ATL1: variants seen among roughly 807,000 people sequenced by gnomAD.
ATL1 encodes the protein atlastin-1.
ATL1 carries 31 observed loss-of-function variants against 75.5 expected under a neutral mutation model. The observed-to-expected ratio is 0.41, with a 90% confidence interval of 0.31 to 0.55. ATL1 has a LOEUF of 0.55. ATL1 is among the 20% of genes least tolerant of loss of function. The pLI is 0.27. For synonymous variants in ATL1, 226 were observed against 233.3 expected (o/e 0.97, Z 0.28); for missense variants, 405 against 662.6 (o/e 0.61, Z 4.27).
At chr14:50,614,640 G>A (rs931675040) in intron 8 of ATL1, 129 bp downstream of exon 8, 1 of 1,053,990 alleles carries the variant, frequency 9.5e-7, no homozygotes, top group African/African-American at 1.7e-5. Context: ...GAAATTGTCA[G>A]GAGAATAGGG....
chr14:50,553,651 C>T (rs141696025), intron 1 of ATL1, among the ~76,000 whole-genome samples: 24 of 152,142 alleles, frequency 1.6e-4, no homozygotes, highest in African/African-American at 5.3e-4. Flanking sequence ...TGAATGCACA[C>T]GCATGTTTGT....
chr14:50,614,747 C>T (rs1595615416), intron 8 of ATL1, among the ~76,000 whole-genome samples: 1 of 152,006 alleles, frequency 6.6e-6, no homozygotes, highest in East Asian at 1.9e-4. Flanking sequence ...CTGAGTTCAC[C>T]CAGAAGGCAG....
At chr14:50,573,509 A>C (rs913464914) in intron 1 of ATL1, among the ~76,000 whole-genome samples, 1 of 152,190 alleles carries the variant, frequency 6.6e-6, no homozygotes, top group Non-Finnish European at 1.5e-5. Context: ...TAGAACACCC[A>C]TGCTTTGAAC....
At chr14:50,565,239 G>A (rs1367441604) in intron 1 of ATL1, among the ~76,000 whole-genome samples, 1 of 152,074 alleles carries the variant, frequency 6.6e-6, no homozygotes, top group East Asian at 1.9e-4. Flanking sequence ...GCAGTGAGCC[G>A]AGATCGCACT....
intron 8 of ATL1, among the ~76,000 whole-genome samples, chr14:50,617,877 A>C (rs575758566): frequency 5.3e-5 from 8 of 152,302 alleles, no homozygotes; most frequent in Admixed American, 2.0e-4. Flanking sequence ...CTCACCACCT[A>C]CGTATGTTAT....
At chr14:50,593,037 A>T (rs1374446006) in intron 4 of ATL1, among the ~76,000 whole-genome samples, 1 of 151,202 alleles carries the variant, frequency 6.6e-6, no homozygotes, top group Non-Finnish European at 1.5e-5. Flanking sequence ...GAATACACAC[A>T]TTGTATAAGC....
chr14:50,631,198 A>G (rs1425999464), intron 13 of ATL1: 3 of 186,800 alleles, frequency 1.6e-5, no homozygotes, highest in Non-Finnish European at 3.4e-5. Context: ...AGGAGGTTGC[A>G]GTGAGCCAAG....
intron 1 of ATL1, among the ~76,000 whole-genome samples, chr14:50,551,914 A>G (rs934674927): frequency 6.6e-6 from 1 of 152,162 alleles, no homozygotes; most frequent in Non-Finnish European, 1.5e-5. Context: ...AATACCAAAC[A>G]AGGAAAATTT....
intron 11 of ATL1, among the ~76,000 whole-genome samples, chr14:50,623,573 T>G (rs1391811517): frequency 6.6e-6 from 1 of 151,958 alleles, no homozygotes; most frequent in African/African-American, 2.4e-5. Context: ...CTACACCTCC[T>G]TATATTCCAC....
chr14:50,593,700 C>T, intron 4 of ATL1, 146 bp from the exon 5 acceptor site: 3 of 579,864 alleles, frequency 5.2e-6, no homozygotes, highest in Non-Finnish European at 9.3e-6. Context: ...TTACTTCTCT[C>T]TCAAGGTCTT....
At chr14:50,625,107 AAC>A (rs1403455760) in intron 11 of ATL1, among the ~76,000 whole-genome samples, 1 of 152,028 alleles carries the variant, frequency 6.6e-6, no homozygotes, top group Non-Finnish European at 1.5e-5. Context: ...TACTCCAGTG[AAC>A]ACACAGATTA....
At chr14:50,548,553 A>G (rs1386426609) in intron 1 of ATL1, among the ~76,000 whole-genome samples, 1 of 152,176 alleles carries the variant, frequency 6.6e-6, no homozygotes, top group Non-Finnish European at 1.5e-5. Context: ...TCTGTCACCC[A>G]GGCTGGAGTG....
intron 1 of ATL1, among the ~76,000 whole-genome samples, chr14:50,574,937 GTATATATATATATATATATATATA>G (rs71118894): frequency 4.3e-5 from 1 of 23,156 alleles, no homozygotes. Flanking sequence ...GTGTGTGTGT[GTATATATATATATATATATATATA>G]TATATATATA....
chr14:50,560,110 C>T, upstream of ATL1: 1 of 818,772 alleles, frequency 1.2e-6, no homozygotes, highest in Non-Finnish European at 2.0e-6. Flanking sequence ...CTTTTCCTCC[C>T]CACTCCTTCC....
intron 5 of ATL1, among the ~76,000 whole-genome samples, chr14:50,594,198 C>G (rs972412538): frequency 5.3e-5 from 8 of 152,140 alleles, no homozygotes; most frequent in Admixed American, 3.9e-4. Context: ...AAATGCCAAG[C>G]GAAGTGGGAG....
At chr14:50,580,641 T>A (rs930243228) in intron 1 of ATL1, among the ~76,000 whole-genome samples, 6 of 152,174 alleles carry the variant, frequency 3.9e-5, no homozygotes, top group African/African-American at 1.4e-4. Context: ...GAGTTTATCT[T>A]GATAACAGAT....
At chr14:50,534,477 G>A (rs888681442) in intron 1 of ATL1, among the ~76,000 whole-genome samples, 1 of 152,220 alleles carries the variant, frequency 6.6e-6, no homozygotes, top group Non-Finnish European at 1.5e-5. Context: ...AGTTTGAGAC[G>A]AGGACAAATA....
intron 10 of ATL1, among the ~76,000 whole-genome samples, chr14:50,622,481 CA>C (rs2039476883): frequency 6.6e-6 from 1 of 152,142 alleles, no homozygotes; most frequent in African/African-American, 2.4e-5. Context: ...GCCTAGCCAG[CA>C]TGGTGAAACC....
Position 50,632,327 on chromosome 14 carries a change from G to GA in ATL1, c.1672dup (p.Met558AsnfsTer12). The GA allele has an allele frequency of 2.5e-6, 4 of 1,607,956 alleles. No individual in the cohort carries two copies. The highest frequency in any genetic ancestry group is 3.4e-6 in the Non-Finnish European group (4 of 1,174,810). On this transcript the variant is annotated frameshift_variant, in exon 14 of 14. Transcript: ENST00000358385. LOFTEE classifies it high-confidence loss of function. ...CGGAATCTACTGAACAATCAGAAAA[G>GA]AAAAAAATGTAATGCAAATTTTAAG...
Sources: allele counts gnomAD v4.1 joint callset (sites outside exome capture counted in the v4.1 genomes callset), GRCh38; gene constraint gnomAD v4.1.1; transcripts MANE v1.5; gene names NCBI Gene and HGNC (gene_info 2026-07-23, HGNC 2026-07-21).